The following PARM1 variants were observed in gnomAD, a reference collection of about 807,000 sequenced individuals.
The protein encoded by PARM1 is prostate androgen-regulated mucin-like protein 1.
Under a neutral mutation model 24.6 loss-of-function variants are expected in PARM1, and 14 were observed. The ratio of observed to expected loss-of-function variants is 0.57; its 90% CI spans 0.38 to 0.89. The LOEUF (loss-of-function observed/expected upper bound fraction) is 0.89. PARM1 is among the 40% of genes least tolerant of loss of function. PARM1 has a pLI of 0.00. For missense variants in PARM1, 362 were observed against 380.4 expected (o/e 0.95, Z 0.40); for synonymous variants, 179 against 156.6 (o/e 1.14, Z -1.07).
chr4:74,959,855 G>A (rs1721728972), intron 1 of PARM1, among the ~76,000 whole-genome samples: 1 of 152,146 alleles, frequency 6.6e-6, no homozygotes, highest in Non-Finnish European at 1.5e-5. Context: ...GAGCACTATG[G>A]GAATATGGCA....
rs897830549 is a variant in PARM1, at chr4:75,049,583, G to A, written c.*3336G>A. The stretch of plus-strand genomic sequence containing the variant: ...ATTTCTAGATGAAAGGATGGCCTAG[G>A]ACATAGGTCTCAAAGACTCTTGGAT... On this transcript the variant is annotated 3_prime_UTR_variant, in exon 4 of 4. Transcript: ENST00000307428. 2 of 152,650 alleles carry A rather than the reference G, an allele frequency of 1.3e-5. No homozygotes were observed. The highest frequency in any genetic ancestry group is 1.3e-4 in the Admixed American group (2 of 15,284). 9.5% of individuals were successfully genotyped at this position (152,650 alleles called of 1,614,324 possible).
chr4:74,950,843 T>TTC (rs1721508669), intron 1 of PARM1, among the ~76,000 whole-genome samples: 1 of 134,704 alleles, frequency 7.4e-6, no homozygotes, highest in Non-Finnish European at 1.5e-5. Flanking sequence ...TGGAGGGGGA[T>TTC]TTTTTTTTTT....
intron 3 of PARM1, among the ~76,000 whole-genome samples, chr4:75,039,907 G>A (rs1032342390): frequency 3.0e-4 from 46 of 152,168 alleles, no homozygotes; most frequent in Middle Eastern, 3.4e-3. Context: ...ATTTCAAGTC[G>A]TCCAGCTCAA....
intron 3 of PARM1, among the ~76,000 whole-genome samples, chr4:75,043,724 T>C (rs1723543903): frequency 6.6e-6 from 1 of 152,310 alleles, no homozygotes; most frequent in East Asian, 1.9e-4. Context: ...TCAACCATCC[T>C]GTTAAAGGAT....
chr4:75,017,263 C>T (rs1723006550), intron 2 of PARM1, among the ~76,000 whole-genome samples: 5 of 152,164 alleles, frequency 3.3e-5, no homozygotes, highest in Admixed American at 6.5e-5. Flanking sequence ...CAATCACTCC[C>T]CGCTCTGAAT....
intron 2 of PARM1, among the ~76,000 whole-genome samples, chr4:75,014,517 T>C (rs905830800): frequency 5.3e-5 from 8 of 152,098 alleles, no homozygotes; most frequent in African/African-American, 1.9e-4. Context: ...CCAGTAGAGT[T>C]GACCATGCCA....
chr4:75,032,106 A>G (rs1470532132), intron 2 of PARM1, among the ~76,000 whole-genome samples: 1 of 152,170 alleles, frequency 6.6e-6, no homozygotes, highest in African/African-American at 2.4e-5. Context: ...AGGGAAAGAG[A>G]ATTATTCTGG....
At chr4:75,013,640 GTTA>G (rs1004732090) in intron 2 of PARM1, among the ~76,000 whole-genome samples, 1 of 152,178 alleles carries the variant, frequency 6.6e-6, no homozygotes, top group African/African-American at 2.4e-5. Flanking sequence ...AATGTCATTT[GTTA>G]TTATTATTCT....
chr4:75,042,400 T>A (rs529663384), intron 3 of PARM1, among the ~76,000 whole-genome samples: 1 of 152,206 alleles, frequency 6.6e-6, no homozygotes, highest in African/African-American at 2.4e-5. Flanking sequence ...ACATCATTCA[T>A]CCAGATTGCT....
chr4:74,980,638 A>C (rs970942848), intron 1 of PARM1, among the ~76,000 whole-genome samples: 24 of 152,364 alleles, frequency 1.6e-4, no homozygotes, highest in African/African-American at 5.8e-4. Context: ...GAATCAAAAA[A>C]TAGCCCGTAT....
chr4:74,985,747 T>G (rs1722342386), intron 1 of PARM1, among the ~76,000 whole-genome samples: 1 of 152,030 alleles, frequency 6.6e-6, no homozygotes, highest in African/African-American at 2.4e-5. Flanking sequence ...AGAGAATAAT[T>G]CATTGTGGTT....
At chr4:75,015,843 G>A (rs1212881553) in intron 2 of PARM1, among the ~76,000 whole-genome samples, 1 of 152,174 alleles carries the variant, frequency 6.6e-6, no homozygotes, top group Admixed American at 6.5e-5. Context: ...CTGAATTGCT[G>A]CACTCCTCCT....
intron 1 of PARM1, among the ~76,000 whole-genome samples, chr4:74,952,148 T>C (rs757398560): frequency 5.9e-5 from 9 of 152,252 alleles, no homozygotes; most frequent in Non-Finnish European, 1.3e-4. Flanking sequence ...CATGAGATGG[T>C]ATCTCACTGT....
In PARM1 at chr4:74,942,454, C is replaced by T. The variant is rs1003656994; in HGVS notation, c.43+9084C>T. 7.9e-5 allele frequency among the ~76,000 whole-genome samples: 12 copies of T among 152,336 alleles called. No individual in the cohort carries two copies. The East Asian group carries it at 1.3e-3, about 17-fold the overall frequency. Reference sequence around the variant, plus strand: ...GTAGTTGAATATCTAATAGTTATCTCGAACTCAACATATCCAAAACTGAGC... The same window carrying T: ...GTAGTTGAATATCTAATAGTTATCTTGAACTCAACATATCCAAAACTGAGC... On this transcript the variant is annotated intron_variant, in intron 1 of 3. Transcript: ENST00000307428.
At chr4:74,950,562 A>C (rs902819035) in intron 1 of PARM1, among the ~76,000 whole-genome samples, 1 of 152,230 alleles carries the variant, frequency 6.6e-6, no homozygotes, top group Non-Finnish European at 1.5e-5. Context: ...ATTCACACGT[A>C]CTAGAGGTTG....
intron 1 of PARM1, among the ~76,000 whole-genome samples, chr4:74,970,706 C>T (rs1722013703): frequency 6.6e-6 from 1 of 152,230 alleles, no homozygotes; most frequent in Admixed American, 6.5e-5. Flanking sequence ...ACCCAGGCTG[C>T]TTCCAGCCTG....
chr4:74,933,516 G>A (rs1205041574), intron 1 of PARM1, 146 bp downstream of exon 1: 2 of 700,898 alleles, frequency 2.9e-6, no homozygotes, highest in Non-Finnish European at 5.0e-6. Context: ...CTTAGATTTG[G>A]GGTGACGTGC....
chr4:75,044,661 G>C (rs776573052), intron 3 of PARM1, among the ~76,000 whole-genome samples: 2 of 152,142 alleles, frequency 1.3e-5, no homozygotes, highest in Non-Finnish European at 2.9e-5. Flanking sequence ...GGAGTCTGGG[G>C]TGGGGGTTGA....
chr4:74,971,326 C>T (rs573006331), intron 1 of PARM1, among the ~76,000 whole-genome samples: 20 of 152,226 alleles, frequency 1.3e-4, no homozygotes, highest in Admixed American at 3.9e-4. Context: ...GAGAACAGCA[C>T]GGGAAAAACC....
Sources: gnomAD v4.1 joint callset for allele counts (sites outside exome capture counted in the v4.1 genomes callset) on GRCh38, gnomAD v4.1.1 for gene constraint, MANE v1.5 for transcripts, NCBI Gene and HGNC (gene_info 2026-07-23, HGNC 2026-07-21) for gene names.